Variants in CACNA2D3 observed in about 807,000 individuals in gnomAD.
CACNA2D3 encodes voltage-dependent calcium channel subunit alpha-2/delta-3.
A neutral mutation model predicts 160.6 loss-of-function variants in CACNA2D3; 60 were observed. The observed-to-expected ratio is 0.37, with a 90% CI of 0.30 to 0.46. The LOEUF is 0.46. Ranked by LOEUF, CACNA2D3 falls within the 20% of genes least tolerant of loss-of-function variation. The pLI is 1.00. For missense variants in CACNA2D3, 1,205 were observed against 1,365.0 expected (o/e 0.88, Z 1.85); for synonymous variants, 558 against 492.9 (o/e 1.13, Z -1.75).
intron 11 of CACNA2D3, among the ~76,000 whole-genome samples, chr3:54,644,716 G>A (rs967609036): frequency 4.6e-5 from 7 of 152,332 alleles, no homozygotes; most frequent in South Asian, 2.1e-4. Context: ...GGGATCACCC[G>A]AGGGCTTGTT....
intron 9 of CACNA2D3, among the ~76,000 whole-genome samples, chr3:54,621,283 A>C (rs1698982996): frequency 6.6e-6 from 1 of 152,228 alleles, no homozygotes; most frequent in African/African-American, 2.4e-5. Context: ...GATTCAACTA[A>C]ACTGAATACT....
At chr3:54,613,497 G>A (rs551567068) in intron 9 of CACNA2D3, among the ~76,000 whole-genome samples, 3 of 152,270 alleles carry the variant, frequency 2.0e-5, no homozygotes, top group South Asian at 4.2e-4. Flanking sequence ...TGTTCTTTGA[G>A]GTCCACGTTT....
intron 35 of CACNA2D3, among the ~76,000 whole-genome samples, chr3:55,032,962 G>A (rs1445624097): frequency 2.6e-5 from 4 of 151,202 alleles, no homozygotes; most frequent in Non-Finnish European, 4.4e-5. Context: ...GAGGTAGGGC[G>A]GGGGTTGTGT....
At chr3:54,618,375 GCACA>G (rs56788185) in intron 9 of CACNA2D3, among the ~76,000 whole-genome samples, 97 of 115,504 alleles carry the variant, frequency 8.4e-4, no homozygotes, top group East Asian at 3.2e-3. Flanking sequence ...ATATATATAT[GCACA>G]CACACACACA....
intron 2 of CACNA2D3, among the ~76,000 whole-genome samples, chr3:54,178,689 T>A (rs11714210): frequency 0.21 from 31,737 of 152,236 alleles, 3,415 homozygotes; most frequent in South Asian, 0.25. Flanking sequence ...AGATGCCGAC[T>A]AATTGATACC....
intron 4 of CACNA2D3, among the ~76,000 whole-genome samples, chr3:54,468,930 G>A (rs1243145562): frequency 6.6e-6 from 1 of 152,184 alleles, no homozygotes; most frequent in African/African-American, 2.4e-5. Flanking sequence ...CCCCGGTTAG[G>A]GGCTTATAGA....
intron 2 of CACNA2D3, among the ~76,000 whole-genome samples, chr3:54,199,365 A>T (rs1283814930): frequency 6.6e-6 from 1 of 151,802 alleles, no homozygotes; most frequent in Admixed American, 6.6e-5. Context: ...CTTTTTAAAA[A>T]TTTTATTTAT....
chr3:54,857,150 A>T (rs187785371), intron 17 of CACNA2D3, among the ~76,000 whole-genome samples: 3 of 152,320 alleles, frequency 2.0e-5, no homozygotes, highest in South Asian at 2.1e-4. Context: ...CTGAAGAAAC[A>T]GTGTGTACAA....
chr3:55,043,487 TA>T (rs201716564), intron 35 of CACNA2D3, among the ~76,000 whole-genome samples: 28 of 151,342 alleles, frequency 1.9e-4, no homozygotes, highest in South Asian at 1.0e-3. Flanking sequence ...TTGCTCATTT[TA>T]AAAAAAAAGG....
chr3:54,232,576 G>A (rs1489968133), intron 2 of CACNA2D3, among the ~76,000 whole-genome samples: 5 of 152,156 alleles, frequency 3.3e-5, no homozygotes, highest in East Asian at 1.9e-4. Flanking sequence ...TTGAAAGAGC[G>A]TCCTGAGCCC....
rs973496018 is a variant in CACNA2D3 at position 54,463,645 on chromosome 3, A to G, written c.382-39847A>G. 9.9e-5 allele frequency among the ~76,000 whole-genome samples: 15 copies of G among 152,028 alleles called. No individual in the cohort carries two copies. In the East Asian group the frequency reaches 1.9e-3, roughly 20 times the overall value. Reference sequence around the variant, plus strand: ...CATCAGCTCCTTTAAGCACTTCTCTATTGGTTATTCTAGTTATACATTCGT... The same window carrying G: ...CATCAGCTCCTTTAAGCACTTCTCTGTTGGTTATTCTAGTTATACATTCGT... On this transcript the variant is annotated intron_variant, in intron 4 of 37. Transcript: ENST00000474759.
chr3:54,444,194 G>A (rs1336220112), intron 4 of CACNA2D3, among the ~76,000 whole-genome samples: 1 of 152,140 alleles, frequency 6.6e-6, no homozygotes, highest in Non-Finnish European at 1.5e-5. Context: ...TAGCCAGAGG[G>A]GACCTGTGAT....
chr3:54,691,853 A>G (rs1386566483), intron 11 of CACNA2D3, among the ~76,000 whole-genome samples: 1 of 152,078 alleles, frequency 6.6e-6, no homozygotes, highest in Non-Finnish European at 1.5e-5. Context: ...AAGAGAATGC[A>G]GTGGATGCCT....
chr3:54,611,320 T>C (rs1446922553), intron 9 of CACNA2D3, among the ~76,000 whole-genome samples: 1 of 152,222 alleles, frequency 6.6e-6, no homozygotes, highest in African/African-American at 2.4e-5. Flanking sequence ...GTATTTCTGC[T>C]TCAGGAGGTT....
intron 18 of CACNA2D3, among the ~76,000 whole-genome samples, chr3:54,873,061 C>T (rs1231419388): frequency 6.6e-6 from 1 of 151,972 alleles, no homozygotes; most frequent in East Asian, 1.9e-4. Context: ...AGTGATTATG[C>T]CTCTCTAGAC....
intron 31 of CACNA2D3, among the ~76,000 whole-genome samples, chr3:54,990,894 A>G (rs1702723884): frequency 6.6e-6 from 1 of 152,244 alleles, no homozygotes; most frequent in Non-Finnish European, 1.5e-5. Flanking sequence ...AGAAAGTCTC[A>G]CAGCAGCGTG....
intron 27 of CACNA2D3, among the ~76,000 whole-genome samples, chr3:54,905,552 C>A (rs892331329): frequency 2.0e-5 from 3 of 152,152 alleles, no homozygotes; most frequent in Non-Finnish European, 4.4e-5. Context: ...AAAATCTGAG[C>A]AAAGGAACTG....
At chr3:54,170,313 C>T (rs1175932621) in intron 2 of CACNA2D3, among the ~76,000 whole-genome samples, 1 of 152,104 alleles carries the variant, frequency 6.6e-6, no homozygotes, top group Non-Finnish European at 1.5e-5. Flanking sequence ...CCCCTGGGCT[C>T]TGTTGACCTT....
chr3:54,499,414 T>G (rs1395001005), intron 4 of CACNA2D3, among the ~76,000 whole-genome samples: 1 of 152,176 alleles, frequency 6.6e-6, no homozygotes, highest in Non-Finnish European at 1.5e-5. Flanking sequence ...GATTTCTGCT[T>G]TGCAGAATAA....
Sources: allele counts gnomAD v4.1 joint callset (sites outside exome capture counted in the v4.1 genomes callset), GRCh38; gene constraint gnomAD v4.1.1; transcripts MANE v1.5; gene names NCBI Gene and HGNC (gene_info 2026-07-23, HGNC 2026-07-21).